Variants in DHRSX observed in about 807,000 individuals in gnomAD.
DHRSX encodes the protein polyprenol dehydrogenase.
DHRSX carries 31 observed loss-of-function variants against 34.0 expected under a neutral mutation model. The ratio of observed to expected loss-of-function variants is 0.91; its 90% CI spans 0.69 to 1.23. The LOEUF (loss-of-function observed/expected upper bound fraction) is 1.23. Ranked by LOEUF, DHRSX falls within the 50% of genes most tolerant of loss-of-function variation. The probability of loss-of-function intolerance (pLI) is 0.00; values close to 1 mark genes in which losing one functional copy is unlikely to be tolerated. For missense variants in DHRSX, 414 were observed against 428.1 expected (o/e 0.97, Z 0.29); for synonymous variants, 201 against 183.8 (o/e 1.09, Z -0.76).
intron 5 of DHRSX, among the ~76,000 whole-genome samples, chrX:2,247,822 A>AC (rs2016334571): frequency 6.6e-6 from 1 of 152,032 alleles, no homozygotes; most frequent in African/African-American, 2.4e-5. Flanking sequence ...TTTCTTGCTG[A>AC]CCTTCTCCTA....
chrX:2,478,898 T>C (rs1486275699), intron 1 of DHRSX, among the ~76,000 whole-genome samples: 1 of 151,698 alleles, frequency 6.6e-6, no homozygotes, highest in African/African-American at 2.4e-5. Flanking sequence ...TCCCTAAGTA[T>C]GTGGCTAAGG....
At chrX:2,446,769 G>C (rs769242826) in intron 1 of DHRSX, among the ~76,000 whole-genome samples, 14 of 151,528 alleles carry the variant, frequency 9.2e-5, no homozygotes, top group African/African-American at 3.4e-4. Flanking sequence ...CGTTCCCTAA[G>C]AATGTGGACA....
intron 1 of DHRSX, among the ~76,000 whole-genome samples, chrX:2,485,416 C>T (rs1471394043): frequency 6.7e-6 from 1 of 150,046 alleles, no homozygotes. Context: ...CAAGTCTGGG[C>T]AGAGGTGCAC....
At chrX:2,380,237 G>T (rs1426689337) in intron 3 of DHRSX, among the ~76,000 whole-genome samples, 3 of 140,502 alleles carry the variant, frequency 2.1e-5, no homozygotes, top group Non-Finnish European at 4.5e-5. Flanking sequence ...GGAGGCGGAG[G>T]TTGCAGTGAG....
intron 4 of DHRSX, among the ~76,000 whole-genome samples, chrX:2,274,186 T>C (rs1032500155): frequency 6.6e-6 from 1 of 150,698 alleles, no homozygotes; most frequent in African/African-American, 2.4e-5. Context: ...TACAGGCACC[T>C]GCCCCGATGG....
chrX:2,483,837 T>A (rs1277644722), intron 1 of DHRSX, among the ~76,000 whole-genome samples: 2 of 151,830 alleles, frequency 1.3e-5, no homozygotes, highest in African/African-American at 2.4e-5. Context: ...CAGCGGTTAT[T>A]TTTGGAAGGC....
At position 2,478,915 on chromosome X, in the gene DHRSX, C is replaced by T. The variant is rs374854403; in HGVS notation, c.109+21902G>A. Among the ~76,000 whole-genome samples the T allele has an allele frequency of 2.1e-4, 31 of 151,086 alleles. 1 individual carries two copies. Among genetic ancestry groups the T allele is most frequent in the African/African-American group, 5.6e-4 (23 of 41,060 alleles). On this transcript the variant is annotated intron_variant, in intron 1 of 6. Transcript: ENST00000334651. ...CCTAAGTATGTGGCTAAGGGACCAC[C>T]GCCATGTACGCACTGAAGACGTTCC... is the stretch of plus-strand genomic sequence containing the variant.
At chrX:2,355,439 G>A (rs1433635235) in intron 3 of DHRSX, among the ~76,000 whole-genome samples, 1 of 142,288 alleles carries the variant, frequency 7.0e-6, no homozygotes, top group East Asian at 2.3e-4. Flanking sequence ...TTCAGCCTGG[G>A]ACGCAAAGGT....
rs771931203 is a variant in DHRSX at position 2,391,192 on chromosome X, G to A, written c.286+17553C>T. On this transcript the variant is annotated intron_variant, in intron 3 of 6. Coordinates refer to ENST00000334651, the MANE Select transcript of DHRSX (RefSeq NM_145177.3). Reference sequence around the variant, plus strand: ...TATACCCAGCAGTGGAATTCCTGGTGCCATCTGTTCTTACTTTTTATTTCA... The same window carrying A: ...TATACCCAGCAGTGGAATTCCTGGTACCATCTGTTCTTACTTTTTATTTCA... Among the ~76,000 whole-genome samples the A allele has an allele frequency of 2.3e-3, 348 of 152,260 alleles. 1 individual carries two copies. Among genetic ancestry groups the A allele is most frequent in the African/African-American group, 8.0e-3 (333 of 41,560 alleles).
chrX:2,290,044 C>A (rs2041847872), intron 4 of DHRSX, among the ~76,000 whole-genome samples: 1 of 152,190 alleles, frequency 6.6e-6, no homozygotes, highest in Non-Finnish European at 1.5e-5. Context: ...AATACATATA[C>A]ATCATACATC....
At chrX:2,458,254 G>A (rs188525713) in intron 1 of DHRSX, among the ~76,000 whole-genome samples, 7 of 152,218 alleles carry the variant, frequency 4.6e-5, no homozygotes, top group Admixed American at 4.6e-4. Flanking sequence ...AAGTGAAGAC[G>A]TTCCCTAAGG....
chrX:2,227,649 AAGG>A (rs1465940743), intron 6 of DHRSX, among the ~76,000 whole-genome samples: 1 of 111,606 alleles, frequency 9.0e-6, no homozygotes, highest in Non-Finnish European at 1.8e-5. Flanking sequence ...CAAAGAAGGA[AAGG>A]AGGAAGGAAG....
chrX:2,498,411 C>T (rs1333327013), intron 1 of DHRSX, among the ~76,000 whole-genome samples: 2 of 152,120 alleles, frequency 1.3e-5, no homozygotes, highest in Admixed American at 1.3e-4. Flanking sequence ...ACCAGCAGAC[C>T]AAGGACAACA....
chrX:2,441,942 C>T (rs1469272592), intron 1 of DHRSX, among the ~76,000 whole-genome samples: 1 of 151,992 alleles, frequency 6.6e-6, no homozygotes, highest in Non-Finnish European at 1.5e-5. Context: ...GGTGTGGTGG[C>T]GTGCGCCTGT....
At chrX:2,489,365 G>A (rs1171452464) in intron 1 of DHRSX, 1 of 1,613,928 alleles carries the variant, frequency 6.2e-7, no homozygotes, top group African/African-American at 1.3e-5. Context: ...AAGCTCCTTG[G>A]CGATGACCTC....
In DHRSX at chrX:2,382,561, CCATCAT is replaced by C. The variant is rs1478782249; in HGVS notation, c.286+26178_286+26183del. ...ATCACCATCATCATCATCACCATCA[CCATCAT>C]CATCATCACCATCACCATCATCATC... On this transcript the variant is annotated intron_variant, in intron 3 of 6. Transcript: ENST00000334651. 2.3e-3 allele frequency among the ~76,000 whole-genome samples: 118 copies of C among 51,440 alleles called. 5 individuals carry two copies. Among genetic ancestry groups the C allele is most frequent in the African/African-American group, 8.1e-3 (115 of 14,168 alleles). 33.7% of individuals were successfully genotyped at this position (51,440 alleles called of 152,430 possible).
At position 2,220,721 on chromosome X, in the gene DHRSX, T is replaced by G; in HGVS notation, c.*320A>C. 3.0e-6 allele frequency: 1 copy of G among 334,018 alleles called. No homozygotes were observed. Among genetic ancestry groups the G allele is most frequent in the Non-Finnish European group, 5.4e-6 (1 of 184,092 alleles). 20.7% of individuals were successfully genotyped at this position (334,018 alleles called of 1,614,324 possible). The stretch of plus-strand genomic sequence containing the variant: ...AAGAGAGCATCTCTCTTGGAACTTT[T>G]GTACTCAGTTGTATTAACGCGGCAA... On this transcript the variant is annotated 3_prime_UTR_variant, in exon 7 of 7. Transcript: ENST00000334651.
At chrX:2,337,738 T>TG (rs1177448833) in intron 3 of DHRSX, 3 of 152,100 alleles carry the variant, frequency 2.0e-5, no homozygotes, top group African/African-American at 7.2e-5. Context: ...AATGAAGTTT[T>TG]GGAGACTGAG....
chrX:2,467,082 A>C (rs1799991951), intron 1 of DHRSX, among the ~76,000 whole-genome samples: 1 of 151,576 alleles, frequency 6.6e-6, no homozygotes, highest in Non-Finnish European at 1.5e-5. Flanking sequence ...AAAAAAAAAA[A>C]CGCTACATGA....
Sources: gnomAD v4.1 joint callset for allele counts (sites outside exome capture counted in the v4.1 genomes callset) on GRCh38, gnomAD v4.1.1 for gene constraint, MANE v1.5 for transcripts, NCBI Gene and HGNC (gene_info 2026-07-23, HGNC 2026-07-21) for gene names.